IL1RAPL1: variants seen among roughly 807,000 people sequenced by gnomAD.
The protein encoded by IL1RAPL1 is interleukin 1 receptor accessory protein like 1, also known as interleukin-1 receptor accessory protein-like 1.
Under a neutral mutation model 48.4 loss-of-function variants are expected in IL1RAPL1, and 3 were observed. The ratio of observed to expected loss-of-function variants is 0.06; its 90% CI spans 0.03 to 0.16. The LOEUF is 0.16. IL1RAPL1 is among the 10% of genes least tolerant of loss of function. IL1RAPL1 has a pLI of 1.00. For missense variants in IL1RAPL1, 349 were observed against 530.6 expected (o/e 0.66, Z 3.36); for synonymous variants, 185 against 187.7 (o/e 0.99, Z 0.12).
At chrX:29,734,480 T>G (rs1468215488) in intron 6 of IL1RAPL1, among the ~76,000 whole-genome samples, 1 of 111,531 alleles carries the variant, frequency 9.0e-6, no homozygotes, top group Non-Finnish European at 1.9e-5. Flanking sequence ...CAATCCACAC[T>G]CCAGCTCCCC....
chrX:28,590,155 G>GT (rs1298579312), intron 1 of IL1RAPL1, among the ~76,000 whole-genome samples: 1 of 111,076 alleles, frequency 9.0e-6, no homozygotes, highest in Admixed American at 9.6e-5. Context: ...GCCTTCTACT[G>GT]TTTTAGGATC....
chrX:29,229,855 A>G (rs1296439705), intron 2 of IL1RAPL1, among the ~76,000 whole-genome samples: 1 of 112,152 alleles, frequency 8.9e-6, no homozygotes, highest in Non-Finnish European at 1.9e-5. Flanking sequence ...AATGTAAGAA[A>G]AACAATCCAA....
intron 5 of IL1RAPL1, among the ~76,000 whole-genome samples, chrX:29,428,267 G>A (rs1177479852): frequency 5.4e-5 from 6 of 112,068 alleles, no homozygotes; most frequent in Admixed American, 4.8e-4. Context: ...TTATACTCTA[G>A]TAAGTATGTG....
chrX:29,421,945 A>C (rs963992033), intron 5 of IL1RAPL1, among the ~76,000 whole-genome samples: 2 of 111,749 alleles, frequency 1.8e-5, no homozygotes, highest in African/African-American at 6.5e-5. Context: ...TGAAAAATCA[A>C]CTCACAGAAA....
intron 2 of IL1RAPL1, among the ~76,000 whole-genome samples, chrX:28,984,366 G>A (rs1287674348): frequency 1.8e-5 from 2 of 111,792 alleles, no homozygotes; most frequent in African/African-American, 6.5e-5. Flanking sequence ...GGGTCATCTT[G>A]TGGTCACTAT....
chrX:29,160,278 C>T (rs932329366), intron 2 of IL1RAPL1, among the ~76,000 whole-genome samples: 2 of 111,562 alleles, frequency 1.8e-5, no homozygotes, highest in African/African-American at 6.5e-5. Context: ...ATGATGTGGA[C>T]ACTGCTTCTC....
At chrX:29,428,790 C>T (rs1427914624) in intron 5 of IL1RAPL1, among the ~76,000 whole-genome samples, 1 of 111,699 alleles carries the variant, frequency 9.0e-6, no homozygotes, top group East Asian at 2.8e-4. Context: ...ACTCACTCCA[C>T]ATTACCCAAA....
At chrX:28,672,473 T>G (rs1430220256) in intron 1 of IL1RAPL1, among the ~76,000 whole-genome samples, 2 of 111,674 alleles carry the variant, frequency 1.8e-5, no homozygotes, top group Non-Finnish European at 3.8e-5. Flanking sequence ...CTTTTTTTCT[T>G]CCTTTCCATG....
chrX:28,678,580 A>G (rs1935025410), intron 1 of IL1RAPL1, among the ~76,000 whole-genome samples: 1 of 111,628 alleles, frequency 9.0e-6, no homozygotes, highest in South Asian at 3.8e-4. Context: ...TAAAGTCCCA[A>G]TAGACCATAG....
At position 29,396,366 on chromosome X, in the gene IL1RAPL1, C is replaced by T; in HGVS notation, c.471C>T (p.Ser157=). 3.3e-6 allele frequency: 4 copies of T among 1,210,809 alleles called. No homozygotes were observed. The highest frequency in any genetic ancestry group is 2.3e-4 in the Middle Eastern group (1 of 4,348). The part of the protein sequence containing the change: ...KMKYFEKAEL[S]KSKEISCRDI... Reference sequence around the variant, plus strand: ...AGTATTTTGAAAAAGCTGAACTTAGCAAAAGCAAGGAAATTTCATGCCGTG... The same window carrying T: ...AGTATTTTGAAAAAGCTGAACTTAGTAAAAGCAAGGAAATTTCATGCCGTG... Residue 157 remains serine, a synonymous_variant, in exon 4 of 11, where the codon AGC becomes AGT. Coordinates refer to ENST00000378993, the MANE Select transcript of IL1RAPL1 (RefSeq NM_014271.4).
chrX:29,544,561 T>C (rs770176314), intron 5 of IL1RAPL1, among the ~76,000 whole-genome samples: 4 of 112,050 alleles, frequency 3.6e-5, no homozygotes, highest in Non-Finnish European at 7.5e-5. Context: ...CAATCACTTA[T>C]TGCTCTGGAC....
At chrX:29,518,492 T>C (rs1040965741) in intron 5 of IL1RAPL1, among the ~76,000 whole-genome samples, 1 of 110,722 alleles carries the variant, frequency 9.0e-6, no homozygotes, top group East Asian at 2.8e-4. Context: ...CTTTAAAATA[T>C]GATGATTAGG....
intron 6 of IL1RAPL1, among the ~76,000 whole-genome samples, chrX:29,744,691 G>A (rs779600363): frequency 2.8e-4 from 31 of 112,219 alleles, no homozygotes; most frequent in African/African-American, 9.4e-4. Flanking sequence ...AATCATAGAA[G>A]TAATTTCAAT....
intron 6 of IL1RAPL1, among the ~76,000 whole-genome samples, chrX:29,777,824 A>G: frequency 9.0e-6 from 1 of 110,834 alleles, no homozygotes; most frequent in East Asian, 2.8e-4. Context: ...TGTTAATTTT[A>G]ATCTTTTTTT....
At chrX:28,734,164 G>T (rs1935790068) in intron 1 of IL1RAPL1, among the ~76,000 whole-genome samples, 2 of 111,403 alleles carry the variant, frequency 1.8e-5, no homozygotes, top group African/African-American at 6.5e-5. Context: ...CTGAATTTAT[G>T]TGATGACATC....
intron 2 of IL1RAPL1, among the ~76,000 whole-genome samples, chrX:29,199,838 G>A (rs1930519659): frequency 9.0e-6 from 1 of 111,248 alleles, no homozygotes; most frequent in Non-Finnish European, 1.9e-5. Flanking sequence ...AAAGAATAAT[G>A]GTATGAAACG....
intron 2 of IL1RAPL1, among the ~76,000 whole-genome samples, chrX:28,911,686 A>G (rs1160613844): frequency 9.0e-6 from 1 of 111,276 alleles, no homozygotes; most frequent in Non-Finnish European, 1.9e-5. Context: ...GAACATGACC[A>G]CATTGTTCAC....
At chrX:29,565,584 A>G (rs1206027113) in intron 5 of IL1RAPL1, among the ~76,000 whole-genome samples, 1 of 112,290 alleles carries the variant, frequency 8.9e-6, no homozygotes, top group Admixed American at 9.4e-5. Context: ...AATTAAATAT[A>G]TATGTACTAT....
At chrX:29,876,410 A>C (rs1331741724) in intron 6 of IL1RAPL1, among the ~76,000 whole-genome samples, 2 of 111,764 alleles carry the variant, frequency 1.8e-5, no homozygotes, top group East Asian at 5.6e-4. Context: ...TCTAGTCCTT[A>C]CTTTCGCTTT....
Sources: allele counts gnomAD v4.1 joint callset (sites outside exome capture counted in the v4.1 genomes callset), GRCh38; gene constraint gnomAD v4.1.1; transcripts MANE v1.5; gene names NCBI Gene and HGNC (gene_info 2026-07-23, HGNC 2026-07-21).